The following PRTG variants were observed in gnomAD, a reference collection of about 807,000 sequenced individuals.
PRTG encodes the protein immunoglobulin superfamily, DCC subclass, member 5.
Under a neutral mutation model 122.5 loss-of-function variants are expected in PRTG, and 67 were observed. That is an observed-to-expected ratio of 0.55 (90% CI 0.45 to 0.67). PRTG has a LOEUF of 0.67. PRTG is among the 30% of genes least tolerant of loss of function. PRTG has a pLI of 0.00. For missense variants in PRTG, 1,435 were observed against 1,415.4 expected (o/e 1.01, Z -0.22); for synonymous variants, 554 against 501.1 (o/e 1.11, Z -1.41).
intron 2 of PRTG, among the ~76,000 whole-genome samples, chr15:55,685,725 T>C (rs1473118973): frequency 1.3e-5 from 2 of 152,224 alleles, no homozygotes; most frequent in Admixed American, 6.5e-5. Context: ...TTCTCAGTTT[T>C]AATTTCTAAT....
chr15:55,713,448 C>A (rs1480992803), intron 2 of PRTG, among the ~76,000 whole-genome samples: 2 of 152,186 alleles, frequency 1.3e-5, no homozygotes, highest in Non-Finnish European at 2.9e-5. Context: ...TGCTTATGTG[C>A]ATGGGCAAGA....
chr15:55,652,184 A>T (rs1334422571), intron 11 of PRTG, among the ~76,000 whole-genome samples: 2 of 152,238 alleles, frequency 1.3e-5, no homozygotes, highest in African/African-American at 4.8e-5. Flanking sequence ...GCTTCAAAGC[A>T]TTAAAAATCG....
chr15:55,620,019 TTGGGGGGTG>T lies in PRTG; in HGVS notation c.3437_3445del (p.Thr1146_Pro1148del), dbSNP rs1567070753. On this transcript the variant is annotated inframe_deletion, in exon 20 of 20. Coordinates refer to ENST00000389286, the MANE Select transcript of PRTG (RefSeq NM_173814.6). ...TCACTGCCAGTGAAAGAATCAGAGG[TTGGGGGGTG>T]TGGTACTTATAACTGAGGACAGATG... The T allele has an allele frequency of 3.7e-6, 6 of 1,613,806 alleles. No individual in the cohort carries two copies. The highest frequency in any genetic ancestry group is 1.7e-4 in the Middle Eastern group (1 of 6,050).
chr15:55,649,842 A>T (rs2059344236), intron 11 of PRTG, among the ~76,000 whole-genome samples: 1 of 151,866 alleles, frequency 6.6e-6, no homozygotes, highest in African/African-American at 2.4e-5. Context: ...GTAATAATAT[A>T]ATTGCTATTA....
rs559748317 is a variant in PRTG at position 55,680,033 on chromosome 15, T to G, written c.973+21A>C. On this transcript the variant is annotated intron_variant, in intron 6 of 19. Coordinates refer to ENST00000389286, the MANE Select transcript of PRTG (RefSeq NM_173814.6). ...TGTTAAAATGTAAGATTCCCCTGAT[T>G]GCAGAATGAAAGGAACATACCTAAT... 242 of 1,595,978 alleles carry G rather than the reference T, an allele frequency of 1.5e-4. 4 individuals are homozygous for G. The South Asian group carries it at 2.4e-3, about 16-fold the overall frequency.
At chr15:55,737,595 G>A (rs929526136) in intron 2 of PRTG, among the ~76,000 whole-genome samples, 1 of 152,156 alleles carries the variant, frequency 6.6e-6, no homozygotes, top group Non-Finnish European at 1.5e-5. Flanking sequence ...TTTGGCCAAT[G>A]AATGAGGGTC....
At chr15:55,671,655 G>A (rs1023409954) in intron 11 of PRTG, among the ~76,000 whole-genome samples, 14 of 151,992 alleles carry the variant, frequency 9.2e-5, no homozygotes, top group African/African-American at 3.1e-4. Context: ...CGTGCCACCA[G>A]GCTCAGCTAA....
chr15:55,741,166 GTTTA>G (rs1487269598), intron 1 of PRTG, among the ~76,000 whole-genome samples: 1 of 152,178 alleles, frequency 6.6e-6, no homozygotes, highest in African/African-American at 2.4e-5. Flanking sequence ...TGGGAACTGC[GTTTA>G]TCTTTTGTGA....
At chr15:55,684,192 A>G (rs1384164924) in intron 2 of PRTG, among the ~76,000 whole-genome samples, 1 of 152,256 alleles carries the variant, frequency 6.6e-6, no homozygotes, top group African/African-American at 2.4e-5. Flanking sequence ...TAAAAAGTTA[A>G]CATATGAAAC....
At chr15:55,639,257 G>T (rs969413740) in intron 13 of PRTG, among the ~76,000 whole-genome samples, 1 of 152,098 alleles carries the variant, frequency 6.6e-6, no homozygotes, top group African/African-American at 2.4e-5. Flanking sequence ...TTAGAGCACC[G>T]TGATGGGCAT....
At chr15:55,627,224 T>C in intron 16 of PRTG, 96 bp from the exon 17 acceptor site, 1 of 777,370 alleles carries the variant, frequency 1.3e-6, no homozygotes, top group Non-Finnish European at 1.8e-6. Context: ...TTTTTCTTTA[T>C]CTCATAGGAA....
chr15:55,694,386 C>G (rs956910152), intron 2 of PRTG, among the ~76,000 whole-genome samples: 1 of 151,954 alleles, frequency 6.6e-6, no homozygotes, highest in Non-Finnish European at 1.5e-5. Context: ...TTTTTATCTG[C>G]CTTTTTAGTT....
intron 2 of PRTG, among the ~76,000 whole-genome samples, chr15:55,721,020 T>C (rs1393084630): frequency 2.0e-5 from 3 of 152,088 alleles, no homozygotes; most frequent in East Asian, 1.9e-4. Flanking sequence ...CATTACCTTG[T>C]TCCCTACATT....
At chr15:55,718,191 G>A (rs772089467) in intron 2 of PRTG, among the ~76,000 whole-genome samples, 37 of 152,100 alleles carry the variant, frequency 2.4e-4, no homozygotes, top group Non-Finnish European at 4.1e-4. Context: ...GACCCCAATA[G>A]AAACTCGACA....
chr15:55,667,955 C>T (rs753648442), intron 11 of PRTG, among the ~76,000 whole-genome samples: 9 of 152,172 alleles, frequency 5.9e-5, no homozygotes, highest in Non-Finnish European at 7.4e-5. Flanking sequence ...GGCGTGGTGG[C>T]GCACGCCTGT....
At chr15:55,706,573 T>G (rs545123756) in intron 2 of PRTG, among the ~76,000 whole-genome samples, 6 of 110,794 alleles carry the variant, frequency 5.4e-5, no homozygotes, top group Non-Finnish European at 9.2e-5. Flanking sequence ...AGTGAGACCT[T>G]GTCTCTACCA....
At chr15:55,731,717 A>C (rs7181212) in intron 2 of PRTG, among the ~76,000 whole-genome samples, 20,841 of 152,140 alleles carry the variant, frequency 0.14, 1,843 homozygotes, top group East Asian at 0.35. Flanking sequence ...GAACCAGTAT[A>C]ATCAACCAGT....
At chr15:55,725,174 G>A (rs1400784544) in intron 2 of PRTG, among the ~76,000 whole-genome samples, 1 of 152,144 alleles carries the variant, frequency 6.6e-6, no homozygotes, top group Non-Finnish European at 1.5e-5. Flanking sequence ...GGGGGGTGAA[G>A]CTGTATAGAT....
At chr15:55,622,904 T>C (rs2141710045) in intron 18 of PRTG, among the ~76,000 whole-genome samples, 1 of 152,258 alleles carries the variant, frequency 6.6e-6, no homozygotes, top group South Asian at 2.1e-4. Context: ...TTGAAATAAG[T>C]TGAATGGCTT....
Sources: allele counts gnomAD v4.1 joint callset (sites outside exome capture counted in the v4.1 genomes callset), GRCh38; gene constraint gnomAD v4.1.1; transcripts MANE v1.5; gene names NCBI Gene and HGNC (gene_info 2026-07-23, HGNC 2026-07-21).